KLF12: variants seen among roughly 807,000 people sequenced by gnomAD.
The protein encoded by KLF12 is KLF transcription factor 12.
Under a neutral mutation model 37.8 loss-of-function variants are expected in KLF12, and 9 were observed. That is an observed-to-expected ratio of 0.24 (90% CI 0.14 to 0.42). The LOEUF is 0.42. Among genes scored for constraint, KLF12 ranks in the 10% least tolerant of loss-of-function variants. The pLI, the probability that KLF12 is intolerant of heterozygous loss-of-function variation, is 1.00. For synonymous variants in KLF12, 208 were observed against 202.1 expected (o/e 1.03, Z -0.25); for missense variants, 411 against 516.0 (o/e 0.80, Z 1.97).
intron 1 of KLF12, among the ~76,000 whole-genome samples, chr13:74,126,164 T>C (rs1877930706): frequency 6.6e-6 from 1 of 152,162 alleles, no homozygotes; most frequent in African/African-American, 2.4e-5. Flanking sequence ...GATTCAAATA[T>C]ATATTAAATG....
the KLF12 span, among the ~76,000 whole-genome samples, chr13:74,295,426 T>G: frequency 6.6e-6 from 1 of 152,208 alleles, no homozygotes; most frequent in Non-Finnish European, 1.5e-5. Context: ...TTGGTTTTGC[T>G]CTCTTCCCTA....
At chr13:73,746,462 G>C (rs1259320459) in intron 6 of KLF12, among the ~76,000 whole-genome samples, 1 of 152,074 alleles carries the variant, frequency 6.6e-6, no homozygotes, top group Non-Finnish European at 1.5e-5. Flanking sequence ...TCCAAAGACA[G>C]AGCTCCTTTA....
intron 3 of KLF12, among the ~76,000 whole-genome samples, chr13:73,880,489 G>A (rs1195028498): frequency 6.6e-6 from 1 of 152,126 alleles, no homozygotes; most frequent in African/African-American, 2.4e-5. Context: ...TAGAGTCTTG[G>A]GTCCTGATGA....
At chr13:73,785,718 T>C (rs1292365699) in intron 5 of KLF12, among the ~76,000 whole-genome samples, 1 of 152,100 alleles carries the variant, frequency 6.6e-6, no homozygotes, top group Non-Finnish European at 1.5e-5. Flanking sequence ...TAGAGAGTCA[T>C]GCTCTGAGGT....
the KLF12 span, among the ~76,000 whole-genome samples, chr13:74,270,694 T>C: frequency 7.9e-5 from 12 of 152,036 alleles, no homozygotes; most frequent in Admixed American, 7.2e-4. Flanking sequence ...AATTATTGAG[T>C]GTGTAGTTGG....
the KLF12 span, among the ~76,000 whole-genome samples, chr13:74,207,940 AG>A: frequency 1.3e-5 from 2 of 152,198 alleles, no homozygotes; most frequent in Non-Finnish European, 2.9e-5. Flanking sequence ...GTGAATTGTA[AG>A]TATTTTCTAA....
chr13:73,966,560 G>A (rs745714738), intron 2 of KLF12, among the ~76,000 whole-genome samples: 2 of 152,174 alleles, frequency 1.3e-5, no homozygotes, highest in African/African-American at 2.4e-5. Flanking sequence ...TTTGAGGACA[G>A]CTTGAATGCA....
At chr13:74,234,499 C>T in the KLF12 span, among the ~76,000 whole-genome samples, 4 of 152,298 alleles carry the variant, frequency 2.6e-5, no homozygotes, top group East Asian at 7.7e-4. Flanking sequence ...CACTGTATGA[C>T]ACACTGTACC....
chr13:73,989,157 A>G (rs1891900052), intron 2 of KLF12, among the ~76,000 whole-genome samples: 1 of 152,152 alleles, frequency 6.6e-6, no homozygotes. Flanking sequence ...AACCCACTGA[A>G]AAAGGGCAAA....
At chr13:73,718,438 C>T (rs540077462) in intron 6 of KLF12, among the ~76,000 whole-genome samples, 1 of 152,290 alleles carries the variant, frequency 6.6e-6, no homozygotes, top group East Asian at 1.9e-4. Flanking sequence ...TCTATAGGAC[C>T]TCAGCCCTGG....
At chr13:74,038,166 G>A (rs564617416) in intron 1 of KLF12, among the ~76,000 whole-genome samples, 2 of 152,294 alleles carry the variant, frequency 1.3e-5, no homozygotes, top group East Asian at 1.9e-4. Context: ...ACTGTATTAC[G>A]TCATGTAAGA....
intron 3 of KLF12, among the ~76,000 whole-genome samples, chr13:73,864,011 T>C (rs1015602939): frequency 2.0e-5 from 3 of 152,162 alleles, no homozygotes; most frequent in Non-Finnish European, 2.9e-5. Flanking sequence ...GTTGTGGAAA[T>C]GGATTAAATA....
At chr13:74,149,867 A>G in the KLF12 span, among the ~76,000 whole-genome samples, 1 of 152,134 alleles carries the variant, frequency 6.6e-6, no homozygotes. Flanking sequence ...CATCCCGTCC[A>G]GCTGTGCACT....
At chr13:74,212,263 A>G in the KLF12 span, among the ~76,000 whole-genome samples, 2 of 152,194 alleles carry the variant, frequency 1.3e-5, no homozygotes, top group African/African-American at 2.4e-5. Context: ...TAATTTAATT[A>G]TATCATTAAA....
chr13:73,860,423 T>C (rs899181382), intron 3 of KLF12, among the ~76,000 whole-genome samples: 2 of 152,122 alleles, frequency 1.3e-5, no homozygotes, highest in Non-Finnish European at 2.9e-5. Context: ...CCCAAAGGCC[T>C]TACTGGGTCT....
At chr13:74,022,329 A>G (rs1234649598) in intron 1 of KLF12, among the ~76,000 whole-genome samples, 1 of 152,200 alleles carries the variant, frequency 6.6e-6, no homozygotes, top group Non-Finnish European at 1.5e-5. Flanking sequence ...AAAAAAACAT[A>G]ATTATACAGA....
chr13:73,856,675 A>G (rs1245269551), intron 3 of KLF12, among the ~76,000 whole-genome samples: 1 of 152,154 alleles, frequency 6.6e-6, no homozygotes, highest in Non-Finnish European at 1.5e-5. Context: ...TGGCACCCTC[A>G]AGCAAATACT....
chr13:74,105,707 T>C (rs1876616755), intron 1 of KLF12, among the ~76,000 whole-genome samples: 1 of 152,210 alleles, frequency 6.6e-6, no homozygotes, highest in African/African-American at 2.4e-5. Flanking sequence ...AAGCAGAACA[T>C]CTGATGGAGG....
chr13:73,979,274 G>A (rs780164800), intron 2 of KLF12, among the ~76,000 whole-genome samples: 3 of 151,708 alleles, frequency 2.0e-5, no homozygotes, highest in African/African-American at 4.8e-5. Context: ...TCGGAGCAGA[G>A]GCAATTATGG....
Sources: gnomAD v4.1 joint callset for allele counts (sites outside exome capture counted in the v4.1 genomes callset) on GRCh38, gnomAD v4.1.1 for gene constraint, MANE v1.5 for transcripts, NCBI Gene and HGNC (gene_info 2026-07-23, HGNC 2026-07-21) for gene names.